The following KLF17 variants were observed in gnomAD, a reference collection of about 807,000 sequenced individuals.
The protein encoded by KLF17 is Krueppel-like factor 17.
In KLF17, 31 loss-of-function variants were observed where a neutral mutation model predicts 34.2. The observed-to-expected ratio is 0.91, with a 90% confidence interval of 0.68 to 1.22. The LOEUF is 1.22. Ranked by LOEUF, KLF17 falls within the 50% of genes most tolerant of loss-of-function variation. KLF17 has a pLI of 0.00. For missense variants in KLF17, 478 were observed against 505.2 expected (o/e 0.95, Z 0.52); for synonymous variants, 179 against 186.7 (o/e 0.96, Z 0.34).
rs2088151259 is a variant in KLF17 at position 44,134,924 on chromosome 1, C to T, written c.*1687C>T. 6.6e-6 allele frequency: 1 copy of T among 151,876 alleles called. No homozygotes were observed. Among genetic ancestry groups the T allele is most frequent in the Admixed American group, 6.6e-5 (1 of 15,228 alleles). The allele number at this position is 151,876 out of a possible 1,614,324, so 9.4% of individuals were successfully genotyped here. A position where few individuals can be genotyped will look rare whatever the true frequency, so the allele number is the denominator to read the frequency against. ...GTAACACAGAAGAAGAATGGATGAA[C>T]TTGATTCGTTTTCCATTGATTGTGA... On this transcript the variant is annotated 3_prime_UTR_variant, in exon 4 of 4. Transcript: ENST00000372299.
the KLF17 span, among the ~76,000 whole-genome samples, chr1:44,053,154 G>A: frequency 0.011 from 1,616 of 152,206 alleles, 30 homozygotes; most frequent in African/African-American, 0.037. Context: ...GCCTGCCTTG[G>A]CCTCTCAAAG....
chr1:44,062,975 G>A, the KLF17 span, among the ~76,000 whole-genome samples: 325 of 152,268 alleles, frequency 2.1e-3, 1 homozygote, highest in African/African-American at 7.4e-3. Context: ...AGCTTACACT[G>A]GAACAACCCA....
chr1:44,105,369 G>C, the KLF17 span: 8 of 132,312 alleles, frequency 6.0e-5, no homozygotes, highest in Non-Finnish European at 1.4e-4. Context: ...GTGCTTATAA[G>C]GGATTAAAAA....
chr1:44,102,075 G>T, the KLF17 span, among the ~76,000 whole-genome samples: 2 of 150,348 alleles, frequency 1.3e-5, no homozygotes, highest in Non-Finnish European at 3.0e-5. Flanking sequence ...AAGAGTGGAA[G>T]TCAAAATGGG....
chr1:44,130,461 C>G (rs1181859330), intron 2 of KLF17, 51 bp from the exon 3 acceptor site: 1 of 1,609,492 alleles, frequency 6.2e-7, no homozygotes, highest in African/African-American at 1.3e-5. Context: ...AGAGTTAGAC[C>G]CCTTCCTTCC....
the KLF17 span, among the ~76,000 whole-genome samples, chr1:44,080,917 G>A: frequency 7.3e-4 from 111 of 151,606 alleles, no homozygotes; most frequent in African/African-American, 2.5e-3. Flanking sequence ...GTTTTACCAT[G>A]TTGCCCAACC....
Position 44,129,852 on chromosome 1 carries a change from C to G in KLF17, c.581C>G (p.Pro194Arg), listed in dbSNP as rs138244178. The G allele has an allele frequency of 4.4e-4, 707 of 1,614,194 alleles. 1 individual carries two copies. In the African/African-American group the frequency reaches 8.6e-3, roughly 20 times the overall value. The change falls in exon 2 of 4, where the codon CCG becomes CGG. Residue 194 changes from proline (P) to arginine (R), a missense_variant. Pro to Arg is a moderately radical substitution (Grantham distance 103, BLOSUM62 -2). Coordinates refer to ENST00000372299, the MANE Select transcript of KLF17 (RefSeq NM_173484.4). ...TVPSDETLLG[P>R]TVPSTEAQAV... ...CCTTCTGACGAAACATTGTTGGGCC[C>G]GACTGTGCCTTCCACTGAGGCCCAG...
At chr1:44,116,209 C>T (rs2087877866), upstream of KLF17, among the ~76,000 whole-genome samples, 2 of 152,078 alleles carry the variant, frequency 1.3e-5, no homozygotes, top group Admixed American at 6.6e-5. Context: ...AGAGCTGAGC[C>T]ATTGTTAGCC....
At chr1:44,054,838 G>T in the KLF17 span, among the ~76,000 whole-genome samples, 580 of 146,478 alleles carry the variant, frequency 4.0e-3, 6 homozygotes, top group African/African-American at 0.014. Context: ...GGAATGCAGT[G>T]GCCTGATCTT....
chr1:44,099,970 C>A, the KLF17 span, among the ~76,000 whole-genome samples: 1 of 150,896 alleles, frequency 6.6e-6, no homozygotes, highest in African/African-American at 2.4e-5. Flanking sequence ...GGCACCGTTG[C>A]TCACGCCTGT....
the KLF17 span, among the ~76,000 whole-genome samples, chr1:44,058,635 A>G: frequency 8.9e-4 from 132 of 148,524 alleles, no homozygotes; most frequent in African/African-American, 3.1e-3. Flanking sequence ...GGAACAGTAA[A>G]ACAGTCCATT....
chr1:44,082,189 A>G, the KLF17 span, among the ~76,000 whole-genome samples: 1 of 152,332 alleles, frequency 6.6e-6, no homozygotes, highest in East Asian at 1.9e-4. Context: ...CTCATGTACC[A>G]CAGATGAAAT....
chr1:44,060,841 G>A, the KLF17 span, among the ~76,000 whole-genome samples: 1 of 152,226 alleles, frequency 6.6e-6, no homozygotes, highest in African/African-American at 2.4e-5. Context: ...TTATCTACTA[G>A]CTGAACAAGG....
the KLF17 span, among the ~76,000 whole-genome samples, chr1:44,113,520 G>A: frequency 2.0e-5 from 3 of 152,140 alleles, no homozygotes; most frequent in Admixed American, 6.5e-5. Flanking sequence ...AGGCACCTAG[G>A]CCAGCCTGGG....
At chr1:44,084,105 G>A in the KLF17 span, among the ~76,000 whole-genome samples, 1 of 152,154 alleles carries the variant, frequency 6.6e-6, no homozygotes, top group African/African-American at 2.4e-5. Flanking sequence ...CAAGTGGATG[G>A]TCACTGGAAC....
At chr1:44,059,669 T>C in the KLF17 span, among the ~76,000 whole-genome samples, 1 of 152,148 alleles carries the variant, frequency 6.6e-6, no homozygotes, top group Non-Finnish European at 1.5e-5. Context: ...CCCCAACTCC[T>C]GCCACTATTA....
the KLF17 span, among the ~76,000 whole-genome samples, chr1:44,058,667 CTTTTTTTTTTTTTTTTTTT>C: frequency 7.7e-4 from 50 of 65,220 alleles, 2 homozygotes; most frequent in East Asian, 1.9e-3. Flanking sequence ...ATGGGAGGCC[CTTTTTTTTTTTTTTTTTTT>C]TTTTTTTTTT....
the KLF17 span, among the ~76,000 whole-genome samples, chr1:44,078,991 T>C: frequency 2.0e-5 from 3 of 152,152 alleles, no homozygotes; most frequent in African/African-American, 7.2e-5. Context: ...GGCCCCTCCA[T>C]GTCTTAATTA....
chr1:44,073,722 G>T, the KLF17 span, among the ~76,000 whole-genome samples: 1 of 152,086 alleles, frequency 6.6e-6, no homozygotes, highest in Non-Finnish European at 1.5e-5. Context: ...CCCCTGGGGA[G>T]CCCTTCCTAA....
Sources: allele counts gnomAD v4.1 joint callset (sites outside exome capture counted in the v4.1 genomes callset), GRCh38; gene constraint gnomAD v4.1.1; transcripts MANE v1.5; gene names NCBI Gene and HGNC (gene_info 2026-07-23, HGNC 2026-07-21).